The following DCAF10 variants were observed in gnomAD, a reference collection of about 807,000 sequenced individuals.
DCAF10 encodes the protein DDB1- and CUL4-associated factor 10.
In DCAF10, 19 loss-of-function variants were observed where a neutral mutation model predicts 51.9. That is an observed-to-expected ratio of 0.37 (90% CI 0.26 to 0.54). DCAF10 has a LOEUF of 0.54. DCAF10 is among the 20% of genes least tolerant of loss of function. The pLI is 0.87. For synonymous variants in DCAF10, 291 were observed against 297.1 expected (o/e 0.98, Z 0.21); for missense variants, 510 against 730.6 (o/e 0.70, Z 3.48).
Position 37,801,470 on chromosome 9 carries a change from G to T in DCAF10, c.539+65G>T. 7.4e-7 allele frequency: 1 copy of T among 1,352,268 alleles called. No homozygotes were observed. The highest frequency in any genetic ancestry group is 9.5e-7 in the Non-Finnish European group (1 of 1,051,564). 83.8% of individuals were successfully genotyped at this position (1,352,268 alleles called of 1,614,324 possible). On this transcript the variant is annotated intron_variant, in intron 1 of 6. Coordinates refer to ENST00000377724, the MANE Select transcript of DCAF10 (RefSeq NM_024345.5). The surrounding 1 kb of genome is among the most constrained non-coding windows in gnomAD (Gnocchi z 5.5). ...CCGGCTCTGCTGCCAGCGGACGGCC[G>T]TCCTGGGCTCGCTCCCCGCGCCCGG... is the stretch of plus-strand genomic sequence containing the variant.
At chr9:37,810,523 G>A (rs750468180) in intron 1 of DCAF10, among the ~76,000 whole-genome samples, 2 of 151,856 alleles carry the variant, frequency 1.3e-5, no homozygotes, top group Non-Finnish European at 2.9e-5. Context: ...GCGCAATGGC[G>A]CAATCTTGGC....
intron 3 of DCAF10, among the ~76,000 whole-genome samples, chr9:37,847,275 AAAG>A (rs1830505891): frequency 1.3e-5 from 2 of 149,584 alleles, no homozygotes; most frequent in African/African-American, 5.0e-5. Flanking sequence ...AAAAAAAAAA[AAAG>A]AATAGAAACC....
At chr9:37,850,320 A>G (rs1830595726) in intron 3 of DCAF10, among the ~76,000 whole-genome samples, 1 of 152,228 alleles carries the variant, frequency 6.6e-6, no homozygotes, top group Admixed American at 6.5e-5. Context: ...TCAAAAAGAT[A>G]TCTGCACTCT....
At chr9:37,808,665 T>TAAA in intron 1 of DCAF10, among the ~76,000 whole-genome samples, 1 of 104,926 alleles carries the variant, frequency 9.5e-6, no homozygotes, top group African/African-American at 4.0e-5. Flanking sequence ...AATATAAATA[T>TAAA]ATTATATAAT....
chr9:37,810,193 A>G lies in DCAF10; in HGVS notation c.539+8788A>G, dbSNP rs186735153. 9.7e-3 allele frequency among the ~76,000 whole-genome samples: 1,484 copies of G among 152,218 alleles called. 14 individuals are homozygous for G. Among genetic ancestry groups the G allele is most frequent in the Non-Finnish European group, 0.014 (986 of 68,020 alleles). On this transcript the variant is annotated intron_variant, in intron 1 of 6. Coordinates refer to ENST00000377724, the MANE Select transcript of DCAF10 (RefSeq NM_024345.5). The stretch of plus-strand genomic sequence containing the variant: ...TTGGGGGGACAATTTTATATGCAAG[A>G]GGTAGATTGTTTGGACCAAACTTCC...
At chr9:37,859,218 C>T (rs1830942036) in intron 5 of DCAF10, among the ~76,000 whole-genome samples, 1 of 152,190 alleles carries the variant, frequency 6.6e-6, no homozygotes, top group Non-Finnish European at 1.5e-5. Flanking sequence ...GCTTGACAAG[C>T]AATTCACAAA....
At position 37,801,482 on chromosome 9, in the gene DCAF10, C is replaced by A; in HGVS notation, c.539+77C>A. The A allele has an allele frequency of 1.5e-6, 2 of 1,338,674 alleles. No homozygotes were observed. Among genetic ancestry groups the A allele is most frequent in the Non-Finnish European group, 1.9e-6 (2 of 1,043,766 alleles). 82.9% of individuals were successfully genotyped at this position (1,338,674 alleles called of 1,614,324 possible). Reference sequence around the variant, plus strand: ...CCAGCGGACGGCCGTCCTGGGCTCGCTCCCCGCGCCCGGGCCGAGGTTAGC... The same window carrying A: ...CCAGCGGACGGCCGTCCTGGGCTCGATCCCCGCGCCCGGGCCGAGGTTAGC... On this transcript the variant is annotated intron_variant, in intron 1 of 6. Transcript: ENST00000377724. This position sits in a 1 kb window ranked among gnomAD's most constrained non-coding sequence, Gnocchi z 5.5.
intron 1 of DCAF10, among the ~76,000 whole-genome samples, chr9:37,815,745 A>C (rs1427736761): frequency 6.6e-6 from 1 of 152,232 alleles, no homozygotes; most frequent in Non-Finnish European, 1.5e-5. Context: ...TCGATTGATA[A>C]ATAATCAATA....
rs749877265 is a variant in DCAF10, at chr9:37,861,277, T to C, written c.1449T>C (p.Asp483=). The C allele has an allele frequency of 8.9e-5, 144 of 1,614,098 alleles. No individual in the cohort carries two copies. Among genetic ancestry groups the C allele is most frequent in the South Asian group, 7.6e-4 (69 of 91,090 alleles). The change falls in exon 7 of 7, where the codon GAT becomes GAC. Residue 483 remains aspartate (D), a synonymous_variant. Transcript: ENST00000377724. The surrounding 1 kb of genome is among the most constrained non-coding windows in gnomAD (Gnocchi z 4.9). ...TCAAAGAACTTTGCTTCAGCCCCGA[T>C]GGACGAATGATTTCTTCCCCACATG... is the stretch of plus-strand genomic sequence containing the variant. ...GYIKELCFSP[D]GRMISSPHGY... is the part of the protein sequence containing the mutation.
rs59549239 is a variant in DCAF10 at position 37,822,404 on chromosome 9, G to GATAT, written c.653+3038_653+3041dup. 9.9e-3 allele frequency among the ~76,000 whole-genome samples: 1,227 copies of GATAT among 124,320 alleles called. 12 individuals are homozygous for GATAT. Among genetic ancestry groups the GATAT allele is most frequent in the South Asian group, 0.015 (46 of 3,020 alleles). 81.6% of individuals were successfully genotyped at this position (124,320 alleles called of 152,430 possible). A position where few individuals can be genotyped will look rare whatever the true frequency, so the allele number is the denominator to read the frequency against. ...ATCAATGAATGGATAAAGAAACTGTGATATATATATATATATATATATATA... is the reference window on the plus strand; with the variant it reads ...ATCAATGAATGGATAAAGAAACTGTGATATATATATATATATATATATATATATA... On this transcript the variant is annotated intron_variant, in intron 2 of 6. Coordinates refer to ENST00000377724, the MANE Select transcript of DCAF10 (RefSeq NM_024345.5).
In DCAF10 at chr9:37,801,142, C is replaced by A. The variant is rs1220145376; in HGVS notation, c.276C>A (p.Ser92=). Residue 92 remains serine, a synonymous_variant, in exon 1 of 7, where the codon TCC becomes TCA. Coordinates refer to ENST00000377724, the MANE Select transcript of DCAF10 (RefSeq NM_024345.5). The surrounding 1 kb of genome is among the most constrained non-coding windows in gnomAD (Gnocchi z 5.5). ...ASAPGEPSPP[S]PPCRRPGPDC... is the part of the protein sequence containing the mutation. Reference sequence around the variant, plus strand: ...CCCCGGGAGAGCCGTCACCTCCCTCCCCTCCGTGCCGGCGGCCCGGGCCAG... The same window carrying A: ...CCCCGGGAGAGCCGTCACCTCCCTCACCTCCGTGCCGGCGGCCCGGGCCAG... The A allele has an allele frequency of 2.0e-6, 3 of 1,537,640 alleles. No individual in the cohort carries two copies. The highest frequency in any genetic ancestry group is 2.6e-6 in the Non-Finnish European group (3 of 1,144,254).
At chr9:37,826,874 G>A (rs1403005259) in intron 2 of DCAF10, among the ~76,000 whole-genome samples, 1 of 140,822 alleles carries the variant, frequency 7.1e-6, no homozygotes, top group Non-Finnish European at 1.5e-5. Flanking sequence ...TGCCCAGGCT[G>A]GAGAGCAATG....
At chr9:37,835,399 T>C (rs1830128418) in intron 2 of DCAF10, among the ~76,000 whole-genome samples, 1 of 151,868 alleles carries the variant, frequency 6.6e-6, no homozygotes, top group Non-Finnish European at 1.5e-5. Flanking sequence ...GCCAAAATGG[T>C]GAAACCCTGT....
rs749612201 is a variant in DCAF10, at chr9:37,854,825, T to G, written c.897T>G (p.Arg299=). The G allele has an allele frequency of 1.7e-5, 28 of 1,613,912 alleles. No homozygotes were observed. The highest frequency in any genetic ancestry group is 2.3e-5 in the Non-Finnish European group (27 of 1,179,978). The part of the protein sequence containing the change: ...GCPHKKFFHT[R]FLMRMRLTPD... ...CACATAAGAAATTCTTTCACACACG[T>G]TTTCTCATGCGAATGAGGTTAACAC... Residue 299 remains arginine, a synonymous_variant, in exon 4 of 7, where the codon CGT becomes CGG. Coordinates refer to ENST00000377724, the MANE Select transcript of DCAF10 (RefSeq NM_024345.5).
At chr9:37,824,192 T>C (rs968563295) in intron 2 of DCAF10, among the ~76,000 whole-genome samples, 1 of 152,140 alleles carries the variant, frequency 6.6e-6, no homozygotes, top group Non-Finnish European at 1.5e-5. Flanking sequence ...TTAGAGCACA[T>C]CTTAATTCAG....
At position 37,839,271 on chromosome 9, in the gene DCAF10, A is replaced by G. The variant is rs867491180; in HGVS notation, c.654-2818A>G. On this transcript the variant is annotated intron_variant, in intron 2 of 6. Coordinates refer to ENST00000377724, the MANE Select transcript of DCAF10 (RefSeq NM_024345.5). ...GAGACAGGGTTTCACCATCTCGGCC[A>G]GGCTGGTCTTGAACTCCTGACCTTG... 3.3e-5 allele frequency among the ~76,000 whole-genome samples: 5 copies of G among 152,160 alleles called. No homozygotes were observed. The Middle Eastern group carries it at 0.014, about 414-fold the overall frequency.
chr9:37,835,955 T>C, intron 2 of DCAF10: 2 of 989,212 alleles, frequency 2.0e-6, no homozygotes, highest in East Asian at 2.4e-5. Flanking sequence ...TTTTTGGCTA[T>C]ATTGCCCTTA....
At chr9:37,841,849 C>G (rs1202679193) in intron 2 of DCAF10, among the ~76,000 whole-genome samples, 1 of 152,042 alleles carries the variant, frequency 6.6e-6, no homozygotes, top group African/African-American at 2.4e-5. Flanking sequence ...AAATAAAAAT[C>G]AGTAATTTAA....
At chr9:37,839,582 A>C (rs1212483684) in intron 2 of DCAF10, among the ~76,000 whole-genome samples, 1 of 152,146 alleles carries the variant, frequency 6.6e-6, no homozygotes, top group Non-Finnish European at 1.5e-5. Flanking sequence ...ACTGGTAATC[A>C]CCATAGAATA....
Sources: allele counts gnomAD v4.1 joint callset (sites outside exome capture counted in the v4.1 genomes callset), GRCh38; gene constraint gnomAD v4.1.1; non-coding constraint Gnocchi (gnomAD v3.1); transcripts MANE v1.5; gene names NCBI Gene and HGNC (gene_info 2026-07-23, HGNC 2026-07-21).